Variants in CERKL observed in about 807,000 individuals in gnomAD.
CERKL encodes the protein CERK like autophagy regulator.
In CERKL, 61 loss-of-function variants were observed where a neutral mutation model predicts 63.4. The ratio of observed to expected loss-of-function variants is 0.96; its 90% CI spans 0.78 to 1.19. The LOEUF is 1.19. Ranked by LOEUF, CERKL falls within the 50% of genes most tolerant of loss-of-function variation. The pLI, the probability that CERKL is intolerant of heterozygous loss-of-function variation, is 0.00. For missense variants in CERKL, 675 were observed against 655.5 expected, an observed-to-expected ratio of 1.03 and a Z score of -0.33; for synonymous variants, 250 against 230.5, an observed-to-expected ratio of 1.08 and a Z score of -0.77.
chr2:181,580,723 A>C (rs907898806), intron 2 of CERKL, among the ~76,000 whole-genome samples: 2 of 152,124 alleles, frequency 1.3e-5, no homozygotes, highest in Non-Finnish European at 2.9e-5. Flanking sequence ...TTCCTTTTTG[A>C]ACTTGCATTG....
At chr2:181,596,716 T>C (rs1046551354) in intron 2 of CERKL, among the ~76,000 whole-genome samples, 1 of 152,170 alleles carries the variant, frequency 6.6e-6, no homozygotes, top group Admixed American at 6.5e-5. Context: ...GCATTCAGGG[T>C]TCTACATAAG....
rs1453167173 is a variant in CERKL, at chr2:181,603,823, TGAG to T, written c.481+11_481+13del. ...AAACTGGGCTGATTAAAATTTCCCA[TGAG>T]GAGTACTTACCTGCCAATATTTTCT... is the stretch of plus-strand genomic sequence containing the variant. On this transcript the variant is annotated intron_variant, in intron 2 of 12. Transcript: ENST00000410087. 2 of 1,612,664 alleles carry T rather than the reference TGAG, an allele frequency of 1.2e-6. No homozygotes were observed. Among genetic ancestry groups the T allele is most frequent in the African/African-American group, 2.7e-5 (2 of 74,892 alleles).
intron 1 of CERKL, among the ~76,000 whole-genome samples, chr2:181,628,729 T>C (rs915537298): frequency 2.6e-5 from 4 of 152,196 alleles, no homozygotes; most frequent in African/African-American, 7.2e-5. Context: ...TTTTGTAATA[T>C]ATGCATGCAG....
chr2:181,636,417 G>A (rs1484096060), intron 1 of CERKL, among the ~76,000 whole-genome samples: 1 of 151,616 alleles, frequency 6.6e-6, no homozygotes, highest in African/African-American at 2.4e-5. Context: ...CATCACACTG[G>A]GCTCCTCAGT....
At chr2:181,573,672 T>C in intron 3 of CERKL, 81 bp downstream of exon 3, 7 of 1,328,108 alleles carry the variant, frequency 5.3e-6, no homozygotes, top group Non-Finnish European at 7.5e-6. Flanking sequence ...GTTTCCCAAG[T>C]TTGCATTAAG....
chr2:181,585,478 A>C (rs1156972243), intron 2 of CERKL, among the ~76,000 whole-genome samples: 3 of 152,206 alleles, frequency 2.0e-5, no homozygotes, highest in Non-Finnish European at 4.4e-5. Flanking sequence ...AACTATTTCT[A>C]TTAATTCCTA....
chr2:181,639,344 T>C (rs958317690), intron 1 of CERKL, among the ~76,000 whole-genome samples: 4 of 152,160 alleles, frequency 2.6e-5, no homozygotes, highest in African/African-American at 9.7e-5. Flanking sequence ...ATGGGTCACA[T>C]AGAGCTTCAC....
intron 2 of CERKL, among the ~76,000 whole-genome samples, chr2:181,602,277 C>T (rs904490105): frequency 1.3e-5 from 2 of 152,192 alleles, no homozygotes; most frequent in African/African-American, 4.8e-5. Context: ...TGAGCTTTGA[C>T]TCTCCTAATT....
At chr2:181,580,105 G>GT (rs779101852) in intron 2 of CERKL, among the ~76,000 whole-genome samples, 2 of 151,708 alleles carry the variant, frequency 1.3e-5, no homozygotes, top group African/African-American at 2.4e-5. Flanking sequence ...CATTCTCCTG[G>GT]TATTTCACTG....
intron 1 of CERKL, among the ~76,000 whole-genome samples, chr2:181,644,846 T>A (rs1687602750): frequency 6.6e-6 from 1 of 152,182 alleles, no homozygotes; most frequent in South Asian, 2.1e-4. Context: ...CAAAGGAAGC[T>A]AATTCCCAGC....
chr2:181,565,036 TTC>T (rs1307444836), intron 4 of CERKL, among the ~76,000 whole-genome samples: 1 of 152,146 alleles, frequency 6.6e-6, no homozygotes, highest in African/African-American at 2.4e-5. Context: ...TTACCACATT[TTC>T]TTTCTCAACA....
At chr2:181,626,563 T>C (rs1317977005) in intron 1 of CERKL, among the ~76,000 whole-genome samples, 1 of 152,172 alleles carries the variant, frequency 6.6e-6, no homozygotes, top group African/African-American at 2.4e-5. Flanking sequence ...CCAAACAAGT[T>C]GTCCATTTAA....
intron 1 of CERKL, among the ~76,000 whole-genome samples, chr2:181,648,476 AG>A (rs1687762449): frequency 6.6e-6 from 1 of 152,224 alleles, no homozygotes; most frequent in Admixed American, 6.5e-5. Flanking sequence ...AGGAGAATAA[AG>A]GCCTTCCCAG....
At chr2:181,642,190 G>A (rs1393693833) in intron 1 of CERKL, among the ~76,000 whole-genome samples, 1 of 152,116 alleles carries the variant, frequency 6.6e-6, no homozygotes, top group Non-Finnish European at 1.5e-5. Context: ...GTTTTACTGA[G>A]TAATTAGTCC....
Position 181,554,889 on chromosome 2 carries a change from C to T in CERKL, c.820+3677G>A, listed in dbSNP as rs528575260. Among the ~76,000 whole-genome samples, 6 of 152,200 alleles carry T rather than the reference C, an allele frequency of 3.9e-5. No homozygotes were observed. The East Asian group carries it at 1.2e-3, about 29-fold the overall frequency. ...GCATACAGTCATCATATTAAATATA[C>T]CCCACACATGACTTTCCCCTCCTAT... On this transcript the variant is annotated intron_variant, in intron 5 of 12. Coordinates refer to ENST00000410087, the MANE Select transcript of CERKL (RefSeq NM_201548.5).
chr2:181,654,439 C>G (rs1688067821), intron 1 of CERKL, among the ~76,000 whole-genome samples: 1 of 152,162 alleles, frequency 6.6e-6, no homozygotes, highest in Non-Finnish European at 1.5e-5. Context: ...AGAAAAAGAT[C>G]ACATAGTATT....
chr2:181,554,216 A>C (rs1166576529), intron 5 of CERKL, among the ~76,000 whole-genome samples: 1 of 151,922 alleles, frequency 6.6e-6, no homozygotes, highest in Non-Finnish European at 1.5e-5. Context: ...ACTTCTGCAG[A>C]ACAATTAACT....
At chr2:181,593,822 T>C (rs1168275324) in intron 2 of CERKL, among the ~76,000 whole-genome samples, 1 of 143,978 alleles carries the variant, frequency 6.9e-6, no homozygotes, top group Non-Finnish European at 1.5e-5. Flanking sequence ...TAGTCCCAAA[T>C]ACACAGCATA....
chr2:181,537,683 ATATTGATGTATTAT>A lies in CERKL; in HGVS notation c.*487_*500del, dbSNP rs1375929054. ...ATTATTTCAGAATTATCTAGGTTAA[ATATTGATGTATTAT>A]GATGGTTGCAAAGTTTTTTTGTGTG... On this transcript the variant is annotated 3_prime_UTR_variant, in exon 13 of 13. Transcript: ENST00000410087. 9.2e-6 allele frequency: 4 copies of A among 432,758 alleles called. No homozygotes were observed. The highest frequency in any genetic ancestry group is 1.8e-5 in the Non-Finnish European group (4 of 218,858). The allele number at this position is 432,758 out of a possible 1,614,324, so 26.8% of individuals were successfully genotyped here. A position where few individuals can be genotyped will look rare whatever the true frequency, so the allele number is the denominator to read the frequency against.
Sources: allele counts gnomAD v4.1 joint callset (sites outside exome capture counted in the v4.1 genomes callset), GRCh38; gene constraint gnomAD v4.1.1; transcripts MANE v1.5; gene names NCBI Gene and HGNC (gene_info 2026-07-23, HGNC 2026-07-21).